The following ADAMTS18 variants were observed in gnomAD, a reference collection of about 807,000 sequenced individuals.
ADAMTS18 encodes the protein ADAM metallopeptidase with thrombospondin type 1 motif 18, also known as A disintegrin and metalloproteinase with thrombospondin motifs 18.
ADAMTS18 carries 157 observed loss-of-function variants against 165.9 expected under a neutral mutation model. That is an observed-to-expected ratio of 0.95 (90% CI 0.83 to 1.08). The LOEUF (loss-of-function observed/expected upper bound fraction) is 1.08. Ranked by LOEUF, ADAMTS18 falls within the 50% of genes least tolerant of loss-of-function variation. ADAMTS18 has a pLI of 0.00. For missense variants in ADAMTS18, 2,040 were observed against 1,534.0 expected (o/e 1.33, Z -5.51); for synonymous variants, 782 against 578.2 (o/e 1.35, Z -5.06).
chr16:77,315,848 AT>A (rs1185695875), intron 16 of ADAMTS18, among the ~76,000 whole-genome samples: 5 of 152,144 alleles, frequency 3.3e-5, no homozygotes, highest in African/African-American at 9.7e-5. Context: ...TTTTTCATGC[AT>A]TTTAAACACA....
At chr16:77,372,607 A>C (rs1597187856) in intron 3 of ADAMTS18, among the ~76,000 whole-genome samples, 1 of 152,222 alleles carries the variant, frequency 6.6e-6, no homozygotes, top group African/African-American at 2.4e-5. Flanking sequence ...ATGGTACACA[A>C]GTAAATGAAA....
At chr16:77,423,356 C>T (rs1009636458) in intron 3 of ADAMTS18, among the ~76,000 whole-genome samples, 1 of 152,130 alleles carries the variant, frequency 6.6e-6, no homozygotes, top group Non-Finnish European at 1.5e-5. Context: ...GAAAAGTCCT[C>T]TGCAGAGGAA....
At chr16:77,354,894 T>C (rs1303273310) in intron 9 of ADAMTS18, among the ~76,000 whole-genome samples, 4 of 152,312 alleles carry the variant, frequency 2.6e-5, no homozygotes, top group African/African-American at 9.6e-5. Flanking sequence ...GAAAAAATAA[T>C]TTTAGTCACC....
intron 3 of ADAMTS18, among the ~76,000 whole-genome samples, chr16:77,377,705 T>A (rs1282242157): frequency 1.3e-5 from 2 of 152,204 alleles, no homozygotes; most frequent in South Asian, 2.1e-4. Flanking sequence ...CTTTTTAATT[T>A]TGAATCTATC....
At chr16:77,315,563 T>C (rs2650899) in intron 16 of ADAMTS18, among the ~76,000 whole-genome samples, 75,103 of 151,906 alleles carry the variant, frequency 0.49, 19,293 homozygotes, top group African/African-American at 0.53. Context: ...TTTGCATCTA[T>C]ATACAAATTC....
intron 5 of ADAMTS18, 55 bp from the exon 6 acceptor site, chr16:77,363,940 GA>G (rs1297196854): frequency 6.6e-7 from 1 of 1,516,046 alleles, no homozygotes; most frequent in African/African-American, 1.4e-5. Flanking sequence ...ACCTTAGGGG[GA>G]ATCAATCAGA....
intron 3 of ADAMTS18, among the ~76,000 whole-genome samples, chr16:77,415,186 G>A (rs1014991498): frequency 2.6e-5 from 4 of 152,200 alleles, no homozygotes; most frequent in Admixed American, 6.5e-5. Context: ...TGCCCATTGC[G>A]TCTACCTGTC....
chr16:77,316,557 C>T (rs2055890870), intron 16 of ADAMTS18, among the ~76,000 whole-genome samples: 1 of 152,176 alleles, frequency 6.6e-6, no homozygotes, highest in Non-Finnish European at 1.5e-5. Context: ...TATGTGTGGG[C>T]CACCCCCTGA....
chr16:77,398,768 C>T (rs369295177), intron 3 of ADAMTS18, among the ~76,000 whole-genome samples: 2 of 152,028 alleles, frequency 1.3e-5, no homozygotes, highest in African/African-American at 4.8e-5. Flanking sequence ...CTGAATACCC[C>T]CTGGGGTACA....
chr16:77,391,165 C>A (rs1381915835), intron 3 of ADAMTS18, among the ~76,000 whole-genome samples: 1 of 152,118 alleles, frequency 6.6e-6, no homozygotes, highest in African/African-American at 2.4e-5. Flanking sequence ...GAGAAATGTG[C>A]CAGATTAGAA....
rs776696821 is a variant in ADAMTS18 at position 77,335,796 on chromosome 16, C to T, written c.1819G>A (p.Gly607Arg). 1.2e-6 allele frequency: 2 copies of T among 1,614,094 alleles called. No individual in the cohort carries two copies. The highest frequency in any genetic ancestry group is 1.7e-6 in the Non-Finnish European group (2 of 1,180,040). Residue 607 changes from glycine (G) to arginine (R), a missense_variant, in exon 12 of 23, where the codon GGA becomes AGA. Gly to Arg is a moderately radical substitution (Grantham distance 125, BLOSUM62 -2). Coordinates refer to ENST00000282849, the MANE Select transcript of ADAMTS18 (RefSeq NM_199355.4). ...TGTCTCTCCTGGAACTTGACTCCTCCACCACATGTCCGGGAACATTCTGAC... is the reference window on the plus strand; with the variant it reads ...TGTCTCTCCTGGAACTTGACTCCTCTACCACATGTCCGGGAACATTCTGAC... Reference protein sequence around the residue: ...KWSECSRTCGGGVKFQERHCN... With the variant: ...KWSECSRTCGRGVKFQERHCN...
At chr16:77,313,814 G>A (rs939311924) in intron 16 of ADAMTS18, among the ~76,000 whole-genome samples, 2 of 152,094 alleles carry the variant, frequency 1.3e-5, no homozygotes, top group Admixed American at 6.6e-5. Flanking sequence ...CCTTCAAGCC[G>A]AAAAAGCCCC....
intron 12 of ADAMTS18, among the ~76,000 whole-genome samples, chr16:77,329,687 G>T (rs1005882120): frequency 6.6e-6 from 1 of 152,106 alleles, no homozygotes; most frequent in Admixed American, 6.6e-5. Context: ...TATGGTCAAA[G>T]TGATCAAAAG....
At position 77,362,116 on chromosome 16, in the gene ADAMTS18, C is replaced by T; in HGVS notation, c.1205G>A (p.Cys402Tyr). The T allele has an allele frequency of 1.2e-6, 2 of 1,614,068 alleles. No homozygotes were observed. Among genetic ancestry groups the T allele is most frequent in the Non-Finnish European group, 1.7e-6 (2 of 1,179,990 alleles). Residue 402 changes from cysteine (C) to tyrosine (Y), a missense_variant, in exon 7 of 23, where the codon TGT becomes TAT. Coordinates refer to ENST00000282849, the MANE Select transcript of ADAMTS18 (RefSeq NM_199355.4). ...TGTTCATACCATACCTAGAGTGTCA[C>T]ATGGTTCATTCTTCCAAGAACAAAT... ...FDICSWKNEP[C>Y]DTLGFAPISG...
At chr16:77,430,272 C>T (rs549447142) in intron 3 of ADAMTS18, among the ~76,000 whole-genome samples, 57 of 152,078 alleles carry the variant, frequency 3.7e-4, no homozygotes, top group Non-Finnish European at 4.4e-4. Context: ...TTTAAATAGA[C>T]CAAAGAAAGA....
intron 3 of ADAMTS18, among the ~76,000 whole-genome samples, chr16:77,379,446 TGGACTAGA>T (rs1209797342): frequency 6.6e-6 from 1 of 152,194 alleles, no homozygotes; most frequent in Admixed American, 6.5e-5. Context: ...ACTGTGACCA[TGGACTAGA>T]GGTGTCACCT....
Position 77,326,041 on chromosome 16 carries a change from G to C in ADAMTS18, c.1860-3C>G. Reference sequence around the variant, plus strand: ...AGAATAAGCCACCATACTGAGGCCTGAAAATGAAATTAATGAACTTTAATG... The same window carrying C: ...AGAATAAGCCACCATACTGAGGCCTCAAAATGAAATTAATGAACTTTAATG... On this transcript the variant is annotated splice_region_variant and splice_polypyrimidine_tract_variant and intron_variant, in intron 12 of 22. Coordinates refer to ENST00000282849, the MANE Select transcript of ADAMTS18 (RefSeq NM_199355.4). The C allele has an allele frequency of 1.2e-6, 2 of 1,613,256 alleles. No homozygotes were observed. The highest frequency in any genetic ancestry group is 1.1e-5 in the South Asian group (1 of 91,052).
At chr16:77,381,793 C>A (rs992490550) in intron 3 of ADAMTS18, among the ~76,000 whole-genome samples, 11 of 152,250 alleles carry the variant, frequency 7.2e-5, no homozygotes, top group African/African-American at 2.6e-4. Context: ...CAGAGCGAGA[C>A]TCCATCTCAA....
At chr16:77,363,027 T>G (rs532156672) in intron 6 of ADAMTS18, among the ~76,000 whole-genome samples, 1 of 152,220 alleles carries the variant, frequency 6.6e-6, no homozygotes, top group African/African-American at 2.4e-5. Flanking sequence ...GATCAACTTT[T>G]GTCTTGTCTG....
Sources: allele counts gnomAD v4.1 joint callset (sites outside exome capture counted in the v4.1 genomes callset), GRCh38; gene constraint gnomAD v4.1.1; transcripts MANE v1.5; gene names NCBI Gene and HGNC (gene_info 2026-07-23, HGNC 2026-07-21).